The following ASAP1 variants were observed in gnomAD, a reference collection of about 807,000 sequenced individuals.
ASAP1 encodes ArfGAP with SH3 domain, ankyrin repeat and PH domain 1.
A neutral mutation model predicts 145.2 loss-of-function variants in ASAP1; 43 were observed. The ratio of observed to expected loss-of-function variants is 0.30; its 90% CI spans 0.23 to 0.38. ASAP1 has a LOEUF of 0.38. Ranked by LOEUF, ASAP1 falls within the 10% of genes least tolerant of loss-of-function variation. The pLI is 1.00. For synonymous variants in ASAP1, 546 were observed against 515.5 expected (o/e 1.06, Z -0.80); for missense variants, 1,018 against 1,355.3 (o/e 0.75, Z 3.91).
intron 13 of ASAP1, among the ~76,000 whole-genome samples, chr8:130,150,584 G>A (rs1017245421): frequency 1.3e-5 from 2 of 152,200 alleles, no homozygotes; most frequent in Non-Finnish European, 2.9e-5. Flanking sequence ...GTTAGGGTAT[G>A]CATGGTAACG....
intron 1 of ASAP1, among the ~76,000 whole-genome samples, chr8:130,440,577 G>A (rs892997975): frequency 6.6e-6 from 1 of 151,696 alleles, no homozygotes; most frequent in Non-Finnish European, 1.5e-5. Context: ...CTTTGTACTG[G>A]GTGGAGGGAC....
chr8:130,368,870 G>C (rs1351020809), intron 2 of ASAP1, among the ~76,000 whole-genome samples: 1 of 152,066 alleles, frequency 6.6e-6, no homozygotes, highest in Non-Finnish European at 1.5e-5. Flanking sequence ...CTAGTAATGT[G>C]AGCAACTGTA....
At chr8:130,234,222 G>T (rs937389379) in intron 4 of ASAP1, among the ~76,000 whole-genome samples, 1 of 152,096 alleles carries the variant, frequency 6.6e-6, no homozygotes, top group Admixed American at 6.6e-5. Context: ...TATCCAATAT[G>T]GCACCCACTA....
intron 4 of ASAP1, among the ~76,000 whole-genome samples, chr8:130,221,306 A>C (rs950306001): frequency 1.3e-5 from 2 of 152,180 alleles, no homozygotes; most frequent in Non-Finnish European, 2.9e-5. Context: ...ATGGAAGTAA[A>C]GGAAAGGAAG....
intron 3 of ASAP1, among the ~76,000 whole-genome samples, chr8:130,239,026 T>A (rs1818373561): frequency 6.6e-6 from 1 of 152,150 alleles, no homozygotes. Context: ...TAAATAACTG[T>A]ATTGTAAAGA....
chr8:130,328,974 G>T (rs1205069618), intron 3 of ASAP1, among the ~76,000 whole-genome samples: 1 of 151,914 alleles, frequency 6.6e-6, no homozygotes, highest in Non-Finnish European at 1.5e-5. Flanking sequence ...GGAAATATAG[G>T]GTAACACTTC....
At position 130,358,544 on chromosome 8, in the gene ASAP1, G is replaced by A. The variant is rs924546088; in HGVS notation, c.60-401C>T. The stretch of plus-strand genomic sequence containing the variant: ...CGCGGGCTGGGCGGCTGGGGCGCCC[G>A]GCGCTGCCTCCTCAGACGCGCTGAC... On this transcript the variant is annotated intron_variant, in intron 2 of 29. Transcript: ENST00000518721. The surrounding 1 kb of genome is among the most constrained non-coding windows in gnomAD (Gnocchi z 4.1). 1.4e-4 allele frequency among the ~76,000 whole-genome samples: 21 copies of A among 147,536 alleles called. No individual in the cohort carries two copies. The highest frequency in any genetic ancestry group is 4.9e-4 in the African/African-American group (20 of 40,954).
chr8:130,163,251 A>G (rs1313157427), intron 11 of ASAP1: 1 of 152,262 alleles, frequency 6.6e-6, no homozygotes, highest in Non-Finnish European at 1.5e-5. Context: ...ACTAAGTTTA[A>G]AAAATAAAAA....
At chr8:130,147,620 G>A (rs1453464100) in intron 13 of ASAP1, among the ~76,000 whole-genome samples, 1 of 152,208 alleles carries the variant, frequency 6.6e-6, no homozygotes, top group Non-Finnish European at 1.5e-5. Flanking sequence ...TGGAAGACAG[G>A]TACTGTTATT....
intron 3 of ASAP1, among the ~76,000 whole-genome samples, chr8:130,326,620 G>A (rs1038573457): frequency 6.6e-6 from 1 of 152,232 alleles, no homozygotes; most frequent in African/African-American, 2.4e-5. Flanking sequence ...TTAACAGGGT[G>A]TCCATCCGGA....
intron 3 of ASAP1, among the ~76,000 whole-genome samples, chr8:130,279,953 G>A (rs1586743610): frequency 6.6e-6 from 1 of 152,220 alleles, no homozygotes. Flanking sequence ...CATCAACTAT[G>A]TGCCAGGTTA....
chr8:130,192,248 A>T lies in ASAP1; in HGVS notation c.406-4065T>A, dbSNP rs568531428. 4.6e-5 allele frequency among the ~76,000 whole-genome samples: 7 copies of T among 151,702 alleles called. No individual in the cohort carries two copies. The South Asian group carries it at 6.3e-4, about 14-fold the overall frequency. On this transcript the variant is annotated intron_variant, in intron 5 of 29. Coordinates refer to ENST00000518721, the MANE Select transcript of ASAP1 (RefSeq NM_018482.4). ...AAAAAACCAAAAAATCTTAGCTGTTATAACTGTCTGTGGCCCTCCAAAGGG... is the reference window on the plus strand; with the variant it reads ...AAAAAACCAAAAAATCTTAGCTGTTTTAACTGTCTGTGGCCCTCCAAAGGG...
rs78835655 is a variant in ASAP1, at chr8:130,121,368, G to A, written c.1607+2645C>T. On this transcript the variant is annotated intron_variant, in intron 18 of 29. Coordinates refer to ENST00000518721, the MANE Select transcript of ASAP1 (RefSeq NM_018482.4). ...CTGTCCTATGTTTAGCACCATCCCTGACCTCTACCCACTGGGTGACAGTAG... is the reference window on the plus strand; with the variant it reads ...CTGTCCTATGTTTAGCACCATCCCTAACCTCTACCCACTGGGTGACAGTAG... Among the ~76,000 whole-genome samples the A allele has an allele frequency of 4.6e-3, 698 of 152,252 alleles. 9 individuals carry two copies. The highest frequency in any genetic ancestry group is 0.016 in the African/African-American group (674 of 41,542).
rs536295045 is a variant in ASAP1 at position 130,273,529 on chromosome 8, T to C, written c.187-36535A>G. Among the ~76,000 whole-genome samples, 35 of 152,300 alleles carry C rather than the reference T, an allele frequency of 2.3e-4. No individual in the cohort carries two copies. In the South Asian group the frequency reaches 4.1e-3, roughly 18 times the overall value. On this transcript the variant is annotated intron_variant, in intron 3 of 29. Coordinates refer to ENST00000518721, the MANE Select transcript of ASAP1 (RefSeq NM_018482.4). ...TCAGAATTACTTGGGAAACTTGCTA[T>C]AAACACAGCAGCCAGGCTTCTGAAC...
chr8:130,400,818 T>G (rs1345135714), intron 2 of ASAP1, among the ~76,000 whole-genome samples: 1 of 150,364 alleles, frequency 6.7e-6, no homozygotes, highest in Non-Finnish European at 1.5e-5. Context: ...GCAAGGGTCC[T>G]GCAGTAAGGG....
intron 7 of ASAP1, among the ~76,000 whole-genome samples, chr8:130,185,959 A>AAAGCACAT (rs1279788084): frequency 6.6e-6 from 1 of 152,202 alleles, no homozygotes; most frequent in African/African-American, 2.4e-5. Context: ...TTTAGTTGAC[A>AAAGCACAT]AAGCACATAT....
intron 5 of ASAP1, among the ~76,000 whole-genome samples, chr8:130,199,685 C>T (rs1457666483): frequency 1.3e-5 from 2 of 152,144 alleles, no homozygotes; most frequent in Non-Finnish European, 2.9e-5. Context: ...AGGTACCTTC[C>T]AGTTGTAACA....
At chr8:130,104,485 T>G (rs1303570269) in intron 24 of ASAP1, among the ~76,000 whole-genome samples, 2 of 152,242 alleles carry the variant, frequency 1.3e-5, no homozygotes, top group Non-Finnish European at 2.9e-5. Flanking sequence ...TAAAAAGTTC[T>G]AAGTTACTAG....
intron 2 of ASAP1, among the ~76,000 whole-genome samples, chr8:130,382,928 A>G (rs1163470193): frequency 2.0e-5 from 3 of 152,164 alleles, no homozygotes; most frequent in East Asian, 3.9e-4. Context: ...AGCCAGAGAA[A>G]GCTTCATTGA....
Sources: allele counts gnomAD v4.1 joint callset (sites outside exome capture counted in the v4.1 genomes callset), GRCh38; gene constraint gnomAD v4.1.1; non-coding constraint Gnocchi (gnomAD v3.1); transcripts MANE v1.5; gene names NCBI Gene and HGNC (gene_info 2026-07-23, HGNC 2026-07-21).